The following GULP1 variants were observed in gnomAD, a reference collection of about 807,000 sequenced individuals.
GULP1 encodes the protein GULP PTB domain containing engulfment adaptor 1, also known as PTB domain-containing engulfment adapter protein 1.
In GULP1, 19 loss-of-function variants were observed where a neutral mutation model predicts 40.9. That is an observed-to-expected ratio of 0.46 (90% CI 0.32 to 0.68). The LOEUF is 0.68. Ranked by LOEUF, GULP1 falls within the 30% of genes least tolerant of loss-of-function variation. The pLI is 0.03. For missense variants in GULP1, 312 were observed against 362.2 expected (o/e 0.86, Z 1.12); for synonymous variants, 119 against 117.6 (o/e 1.01, Z -0.08).
chr2:188,471,552 G>A (rs568590422), intron 2 of GULP1, among the ~76,000 whole-genome samples: 55 of 151,820 alleles, frequency 3.6e-4, no homozygotes, highest in African/African-American at 1.3e-3. Context: ...TTTTTGGTTT[G>A]AGGTTACAAT....
chr2:188,387,149 C>T (rs887848595), intron 2 of GULP1, among the ~76,000 whole-genome samples: 1 of 151,852 alleles, frequency 6.6e-6, no homozygotes, highest in African/African-American at 2.4e-5. Context: ...GGCAGGAGAT[C>T]CCCTTGAACC....
chr2:188,568,400 T>A (rs932536760), intron 7 of GULP1, among the ~76,000 whole-genome samples: 1 of 152,190 alleles, frequency 6.6e-6, no homozygotes, highest in East Asian at 1.9e-4. Flanking sequence ...GTCTTTACTA[T>A]GTGCAAGACA....
intron 2 of GULP1, among the ~76,000 whole-genome samples, chr2:188,432,927 C>G (rs1458454882): frequency 6.6e-6 from 1 of 151,908 alleles, no homozygotes; most frequent in Non-Finnish European, 1.5e-5. Flanking sequence ...GCTTTTACTT[C>G]AGAACTCTGG....
intron 2 of GULP1, among the ~76,000 whole-genome samples, chr2:188,402,058 C>T (rs116553254): frequency 0.022 from 3,423 of 152,200 alleles, 138 homozygotes; most frequent in African/African-American, 0.078. Flanking sequence ...CTTCCCCTCC[C>T]CTTCCAAGTT....
At chr2:188,457,158 T>C (rs2059335795) in intron 2 of GULP1, among the ~76,000 whole-genome samples, 1 of 152,110 alleles carries the variant, frequency 6.6e-6, no homozygotes, top group South Asian at 2.1e-4. Context: ...ACTGTGGACT[T>C]TTGAGTTAAT....
At chr2:188,364,028 T>G (rs566495770) in intron 1 of GULP1, among the ~76,000 whole-genome samples, 30 of 152,296 alleles carry the variant, frequency 2.0e-4, no homozygotes, top group African/African-American at 7.2e-4. Context: ...TCAGTGCACT[T>G]AATGTGTGTT....
intron 2 of GULP1, among the ~76,000 whole-genome samples, chr2:188,406,092 G>A (rs2053053534): frequency 6.6e-6 from 1 of 152,136 alleles, no homozygotes; most frequent in Non-Finnish European, 1.5e-5. Flanking sequence ...GTGTACTTAT[G>A]CAAATCTAGA....
chr2:188,571,829 G>A (rs1363214768), intron 9 of GULP1, among the ~76,000 whole-genome samples: 2 of 152,156 alleles, frequency 1.3e-5, no homozygotes, highest in Admixed American at 6.5e-5. Context: ...TTTTGATAAC[G>A]TAGTTGTTTC....
chr2:188,459,796 T>G (rs1012177251), intron 2 of GULP1, among the ~76,000 whole-genome samples: 2 of 152,166 alleles, frequency 1.3e-5, no homozygotes, highest in African/African-American at 2.4e-5. Context: ...TTTAAGTCTT[T>G]GCCTATATTG....
intron 1 of GULP1, chr2:188,297,556 G>A (rs2035241015): frequency 2.3e-6 from 1 of 437,458 alleles, no homozygotes; most frequent in South Asian, 1.7e-5. Context: ...CAAAGGCAAA[G>A]TTTAAGATCC....
intron 1 of GULP1, among the ~76,000 whole-genome samples, chr2:188,295,617 G>A (rs181500438): frequency 1.3e-3 from 192 of 151,986 alleles, no homozygotes; most frequent in African/African-American, 4.5e-3. Flanking sequence ...ACTCTTTTTC[G>A]GGTGAACAGA....
chr2:188,553,062 A>G (rs1693893715), intron 7 of GULP1, among the ~76,000 whole-genome samples: 1 of 151,908 alleles, frequency 6.6e-6, no homozygotes, highest in African/African-American at 2.4e-5. Context: ...TACTAAATTC[A>G]TTTATCAAAT....
chr2:188,320,497 A>G (rs2039805257), intron 1 of GULP1, among the ~76,000 whole-genome samples: 1 of 152,164 alleles, frequency 6.6e-6, no homozygotes, highest in Non-Finnish European at 1.5e-5. Flanking sequence ...AACCTGGTAT[A>G]AGACCTTCTT....
chr2:188,312,122 A>G (rs1159971370), intron 1 of GULP1, among the ~76,000 whole-genome samples: 1 of 151,936 alleles, frequency 6.6e-6, no homozygotes, highest in African/African-American at 2.4e-5. Context: ...GTTATGTCAT[A>G]TCTCTTTATG....
chr2:188,569,638 T>C, intron 8 of GULP1: 1 of 401,352 alleles, frequency 2.5e-6, no homozygotes, highest in Non-Finnish European at 4.5e-6. Flanking sequence ...AAGCAGCAGA[T>C]GCTGGGTAAG....
chr2:188,312,198 A>T (rs1325070796), intron 1 of GULP1, among the ~76,000 whole-genome samples: 2 of 150,280 alleles, frequency 1.3e-5, no homozygotes, highest in Non-Finnish European at 3.0e-5. Context: ...AATTTCTCCT[A>T]AAAAAAAACC....
At chr2:188,368,539 C>T (rs2047108443) in intron 1 of GULP1, among the ~76,000 whole-genome samples, 1 of 152,002 alleles carries the variant, frequency 6.6e-6, no homozygotes, top group Non-Finnish European at 1.5e-5. Context: ...CGAGATAACA[C>T]CACTGCACTC....
intron 2 of GULP1, among the ~76,000 whole-genome samples, chr2:188,436,883 T>A: frequency 6.6e-6 from 1 of 152,068 alleles, no homozygotes; most frequent in East Asian, 1.9e-4. Context: ...GTGCTGTATA[T>A]CTCTATTTCT....
intron 4 of GULP1, among the ~76,000 whole-genome samples, chr2:188,507,124 A>G (rs1362953432): frequency 6.6e-6 from 1 of 151,944 alleles, no homozygotes; most frequent in Non-Finnish European, 1.5e-5. Context: ...ATGGGGTTCT[A>G]GTAACTGAGG....
Sources: allele counts gnomAD v4.1 joint callset (sites outside exome capture counted in the v4.1 genomes callset), GRCh38; gene constraint gnomAD v4.1.1; transcripts MANE v1.5; gene names NCBI Gene and HGNC (gene_info 2026-07-23, HGNC 2026-07-21).